Variants in EPHA4 observed in about 807,000 individuals in gnomAD.
EPHA4 encodes the protein EPH receptor A4.
Under a neutral mutation model 108.3 loss-of-function variants are expected in EPHA4, and 19 were observed. The ratio of observed to expected loss-of-function variants is 0.18; its 90% confidence interval spans 0.12 to 0.26. The LOEUF (loss-of-function observed/expected upper bound fraction) is 0.26, where lower values mean the gene tolerates loss of function less well. EPHA4 is among the 10% of genes least tolerant of loss of function. EPHA4 has a pLI of 1.00. For synonymous variants in EPHA4, 449 were observed against 455.5 expected (o/e 0.99, Z 0.18); for missense variants, 917 against 1,254.0 (o/e 0.73, Z 4.06).
At chr2:221,477,692 G>A (rs968947836) in intron 5 of EPHA4, among the ~76,000 whole-genome samples, 1 of 152,198 alleles carries the variant, frequency 6.6e-6, no homozygotes, top group Non-Finnish European at 1.5e-5. Flanking sequence ...TTCTGCTGAA[G>A]CATTTGGAGA....
At position 221,511,637 on chromosome 2, in the gene EPHA4, T is replaced by C. The variant is rs560493241; in HGVS notation, c.824-10465A>G. Among the ~76,000 whole-genome samples the C allele has an allele frequency of 1.4e-4, 22 of 152,318 alleles. No homozygotes were observed. In the East Asian group the frequency reaches 4.1e-3, roughly 28 times the overall value. On this transcript the variant is annotated intron_variant, in intron 3 of 17. Coordinates refer to ENST00000281821, the MANE Select transcript of EPHA4 (RefSeq NM_004438.5). ...AATTCACATATCATTCATTGCTCAA[T>C]TAAGCTCCTTTAAATTTAATTTGGC...
intron 3 of EPHA4, among the ~76,000 whole-genome samples, chr2:221,547,191 C>A (rs531825609): frequency 6.6e-6 from 1 of 152,138 alleles, no homozygotes; most frequent in East Asian, 1.9e-4. Context: ...TGGTTCATTG[C>A]CATTGTTTTA....
In EPHA4 at chr2:221,568,703, C is replaced by A; in HGVS notation, c.159+15G>T. ...CTTTTTTACCCTTTGGATCAGAGAG[C>A]AACTCAGGACTTACCCCTCCTTCCA... On this transcript the variant is annotated intron_variant, in intron 2 of 17. Coordinates refer to ENST00000281821, the MANE Select transcript of EPHA4 (RefSeq NM_004438.5). 1.2e-6 allele frequency: 2 copies of A among 1,607,538 alleles called. No individual in the cohort carries two copies. The highest frequency in any genetic ancestry group is 1.7e-6 in the Non-Finnish European group (2 of 1,176,404).
chr2:221,454,898 A>C (rs7608795), intron 8 of EPHA4, among the ~76,000 whole-genome samples: 12,695 of 152,126 alleles, frequency 0.083, 673 homozygotes, highest in East Asian at 0.26. Context: ...GCCATGCCCG[A>C]GATTTGCTCA....
chr2:221,459,307 C>T (rs1434646212), intron 5 of EPHA4, among the ~76,000 whole-genome samples: 4 of 96,472 alleles, frequency 4.1e-5, no homozygotes, highest in Non-Finnish European at 7.4e-5. Flanking sequence ...CACACACACA[C>T]ACCCCTCTAT....
intron 3 of EPHA4, among the ~76,000 whole-genome samples, chr2:221,511,090 GAT>G (rs1227535382): frequency 6.6e-6 from 1 of 152,166 alleles, no homozygotes; most frequent in Non-Finnish European, 1.5e-5. Flanking sequence ...TAAGACAAGT[GAT>G]AGGCTTCTGT....
At chr2:221,502,724 G>T (rs1311881810) in intron 3 of EPHA4, among the ~76,000 whole-genome samples, 1 of 152,088 alleles carries the variant, frequency 6.6e-6, no homozygotes, top group Non-Finnish European at 1.5e-5. Flanking sequence ...ATTTAGCAGG[G>T]GCTCAGGAAG....
chr2:221,472,329 A>G (rs1430768666), intron 5 of EPHA4, among the ~76,000 whole-genome samples: 1 of 150,136 alleles, frequency 6.7e-6, no homozygotes, highest in Non-Finnish European at 1.5e-5. Flanking sequence ...ATTAGGGTTG[A>G]TTCAAGAGGC....
intron 3 of EPHA4, among the ~76,000 whole-genome samples, chr2:221,512,840 A>G (rs989134420): frequency 6.6e-6 from 1 of 152,226 alleles, no homozygotes. Context: ...TTGAGCACAT[A>G]CTAAGAGCTA....
intron 5 of EPHA4, among the ~76,000 whole-genome samples, chr2:221,461,801 A>G (rs1471979396): frequency 6.6e-6 from 1 of 151,966 alleles, no homozygotes; most frequent in Non-Finnish European, 1.5e-5. Flanking sequence ...CAGAGGGCCC[A>G]TTTTTCTAGA....
intron 3 of EPHA4, among the ~76,000 whole-genome samples, chr2:221,550,885 A>T (rs1052893420): frequency 1.3e-5 from 2 of 152,130 alleles, no homozygotes; most frequent in African/African-American, 4.8e-5. Context: ...AATACAAAAT[A>T]CAACAAACCA....
chr2:221,425,005 C>G (rs921437046), intron 17 of EPHA4, among the ~76,000 whole-genome samples: 2 of 150,064 alleles, frequency 1.3e-5, no homozygotes, highest in African/African-American at 5.1e-5. Flanking sequence ...TGTCACTTCT[C>G]CCCGGAAGAA....
intron 4 of EPHA4, among the ~76,000 whole-genome samples, chr2:221,488,268 C>A (rs1559262926): frequency 6.6e-6 from 1 of 152,140 alleles, no homozygotes; most frequent in Non-Finnish European, 1.5e-5. Flanking sequence ...TGCTCTCTGG[C>A]ACCCTCAGAA....
At chr2:221,572,079 G>A in intron 1 of EPHA4, 79 bp downstream of exon 1, 1 of 1,185,942 alleles carries the variant, frequency 8.4e-7, no homozygotes. Context: ...CGCACCACCT[G>A]GCCCTGCGCT....
chr2:221,481,493 T>C (rs1247029254), intron 5 of EPHA4, among the ~76,000 whole-genome samples: 1 of 151,830 alleles, frequency 6.6e-6, no homozygotes, highest in Non-Finnish European at 1.5e-5. Flanking sequence ...CTACTAAAAA[T>C]ACAAATAAAA....
intron 5 of EPHA4, among the ~76,000 whole-genome samples, chr2:221,466,202 T>A (rs1691309241): frequency 6.6e-6 from 1 of 152,238 alleles, no homozygotes; most frequent in Non-Finnish European, 1.5e-5. Flanking sequence ...AAGATTCAGC[T>A]GATCTTATGC....
intron 3 of EPHA4, among the ~76,000 whole-genome samples, chr2:221,508,980 C>A (rs1692722332): frequency 6.6e-6 from 1 of 152,174 alleles, no homozygotes; most frequent in Non-Finnish European, 1.5e-5. Flanking sequence ...TGATACTCTT[C>A]TGTTTTCTGG....
In EPHA4 at chr2:221,482,536, T is replaced by C; in HGVS notation, c.1134A>G (p.Arg378=). ...KCGAGDPSKC[R]PCGSGVHYTP... is the part of the protein sequence containing the mutation. ...TGTAGTGGACCCCACTTCCACAGGG[T>C]CGGCACTTGCTGGGGTCACCAGCTC... Residue 378 remains arginine (R), a synonymous_variant, in exon 5 of 18, where the codon CGA becomes CGG. Coordinates refer to ENST00000281821, the MANE Select transcript of EPHA4 (RefSeq NM_004438.5). 6.2e-7 allele frequency: 1 copy of C among 1,613,980 alleles called. No homozygotes were observed. The highest frequency in any genetic ancestry group is 8.5e-7 in the Non-Finnish European group (1 of 1,179,968).
intron 6 of EPHA4, among the ~76,000 whole-genome samples, chr2:221,457,092 G>T (rs1366159229): frequency 6.6e-6 from 1 of 152,092 alleles, no homozygotes; most frequent in Non-Finnish European, 1.5e-5. Context: ...CAATTTAAAA[G>T]AAATAACTGT....
Sources: allele counts gnomAD v4.1 joint callset (sites outside exome capture counted in the v4.1 genomes callset), GRCh38; gene constraint gnomAD v4.1.1; transcripts MANE v1.5; gene names NCBI Gene and HGNC (gene_info 2026-07-23, HGNC 2026-07-21).